ERC2: variants seen among roughly 807,000 people sequenced by gnomAD.
ERC2 encodes ELKS/RAB6-interacting/CAST family member 2, also known as ERC protein 2.
In ERC2, 42 loss-of-function variants were observed where a neutral mutation model predicts 114.8. The ratio of observed to expected loss-of-function variants is 0.37; its 90% CI spans 0.29 to 0.47. The LOEUF (loss-of-function observed/expected upper bound fraction) is 0.47. Among genes scored for constraint, ERC2 ranks in the 20% least tolerant of loss-of-function variants. The pLI is 0.99. For synonymous variants in ERC2, 454 were observed against 425.5 expected (o/e 1.07, Z -0.82); for missense variants, 939 against 1,150.7 (o/e 0.82, Z 2.66).
chr3:56,120,334 T>C (rs553803875), intron 6 of ERC2, among the ~76,000 whole-genome samples: 1 of 152,282 alleles, frequency 6.6e-6, no homozygotes, highest in Admixed American at 6.5e-5. Flanking sequence ...CACATTGATA[T>C]AAAAACCCAT....
In ERC2 at chr3:55,788,644, C is replaced by T. The variant is rs549571411; in HGVS notation, c.2565-53726G>A. Among the ~76,000 whole-genome samples the T allele has an allele frequency of 1.3e-3, 198 of 152,144 alleles. 2 individuals carry two copies. The highest frequency in any genetic ancestry group is 2.5e-3 in the Non-Finnish European group (172 of 68,032). On this transcript the variant is annotated intron_variant, in intron 14 of 17. Coordinates refer to ENST00000288221, the MANE Select transcript of ERC2 (RefSeq NM_015576.3). Reference sequence around the variant, plus strand: ...ATTCTGCAGCTGGTTGGTCAGCTGACGGTCTTTGAACACACCCTACCTCTC... The same window carrying T: ...ATTCTGCAGCTGGTTGGTCAGCTGATGGTCTTTGAACACACCCTACCTCTC...
At chr3:55,516,184 G>GCAGAA (rs1444357356) in intron 17 of ERC2, among the ~76,000 whole-genome samples, 2 of 151,690 alleles carry the variant, frequency 1.3e-5, no homozygotes, top group Admixed American at 6.6e-5. Flanking sequence ...CGGGCATCCT[G>GCAGAA]CAGAACAGCT....
At chr3:55,710,950 T>G (rs529589335) in intron 15 of ERC2, among the ~76,000 whole-genome samples, 53 of 152,310 alleles carry the variant, frequency 3.5e-4, no homozygotes, top group African/African-American at 1.2e-3. Flanking sequence ...CCCAGAATAC[T>G]TGACAGCTGG....
chr3:55,806,614 G>A (rs752022311), intron 14 of ERC2, among the ~76,000 whole-genome samples: 3 of 152,112 alleles, frequency 2.0e-5, no homozygotes, highest in Non-Finnish European at 2.9e-5. Context: ...ACTAGGGAGG[G>A]GTGCTACTGG....
intron 14 of ERC2, among the ~76,000 whole-genome samples, chr3:55,870,783 T>G (rs2062547482): frequency 6.6e-6 from 1 of 152,208 alleles, no homozygotes; most frequent in South Asian, 2.1e-4. Context: ...TGACGACATT[T>G]AATTGTCACC....
At chr3:55,602,325 C>T (rs1381431060) in intron 17 of ERC2, among the ~76,000 whole-genome samples, 1 of 152,158 alleles carries the variant, frequency 6.6e-6, no homozygotes, top group Non-Finnish European at 1.5e-5. Context: ...CAACCCTTCC[C>T]TAAAAGCCAT....
At chr3:56,445,278 C>T (rs1298151993) in intron 1 of ERC2, among the ~76,000 whole-genome samples, 1 of 152,194 alleles carries the variant, frequency 6.6e-6, no homozygotes, top group African/African-American at 2.4e-5. Context: ...TAGGTATTTA[C>T]ATTTTTTACC....
At chr3:56,020,786 T>A (rs1240466669) in intron 7 of ERC2, among the ~76,000 whole-genome samples, 2 of 152,142 alleles carry the variant, frequency 1.3e-5, no homozygotes, top group East Asian at 3.9e-4. Flanking sequence ...GACATCAGCC[T>A]TGGGGCAGTA....
intron 14 of ERC2, among the ~76,000 whole-genome samples, chr3:55,866,122 T>C (rs1260858821): frequency 6.6e-6 from 1 of 152,088 alleles, no homozygotes; most frequent in Non-Finnish European, 1.5e-5. Context: ...CACTTGTAAT[T>C]GCCTGTCTTT....
chr3:55,988,061 G>T (rs1452341645), intron 11 of ERC2, among the ~76,000 whole-genome samples: 1 of 152,160 alleles, frequency 6.6e-6, no homozygotes, highest in Non-Finnish European at 1.5e-5. Context: ...GGTCTTACTT[G>T]ACAGATTCTA....
At chr3:55,962,305 C>T (rs1208486423) in intron 12 of ERC2, among the ~76,000 whole-genome samples, 2 of 152,172 alleles carry the variant, frequency 1.3e-5, no homozygotes, top group African/African-American at 4.8e-5. Context: ...CTGTAAGTGG[C>T]CAGATAGTAA....
At chr3:56,300,487 C>T (rs894698383) in intron 2 of ERC2, among the ~76,000 whole-genome samples, 4 of 152,006 alleles carry the variant, frequency 2.6e-5, no homozygotes, top group Non-Finnish European at 5.9e-5. Context: ...TAAACTATGT[C>T]TTATTTGAAG....
At chr3:56,364,153 A>G (rs903184025) in intron 2 of ERC2, among the ~76,000 whole-genome samples, 1 of 152,194 alleles carries the variant, frequency 6.6e-6, no homozygotes, top group African/African-American at 2.4e-5. Flanking sequence ...GGCAAATAGT[A>G]TATGCTTCCA....
At chr3:55,628,526 C>A (rs547303881) in intron 17 of ERC2, among the ~76,000 whole-genome samples, 1 of 152,292 alleles carries the variant, frequency 6.6e-6, no homozygotes, top group South Asian at 2.1e-4. Flanking sequence ...TTGCCTTAAA[C>A]ATTTTTCCTT....
chr3:56,149,190 C>A, intron 4 of ERC2, 58 bp from the exon 5 acceptor site: 1 of 1,465,342 alleles, frequency 6.8e-7, no homozygotes, highest in South Asian at 1.3e-5. Flanking sequence ...TTTTTAAGAT[C>A]ATCAAAACAG....
intron 3 of ERC2, among the ~76,000 whole-genome samples, chr3:56,183,311 T>A (rs1387454649): frequency 6.6e-6 from 1 of 152,166 alleles, no homozygotes; most frequent in Non-Finnish European, 1.5e-5. Context: ...ATCTTTAAAT[T>A]TACCCTCTAG....
rs578031251 is a variant in ERC2, at chr3:56,296,298, C to G, written c.795G>C (p.Arg265=). The change falls in exon 3 of 18, where the codon CGG becomes CGC. Residue 265 remains arginine (R), a synonymous_variant. Coordinates refer to ENST00000288221, the MANE Select transcript of ERC2 (RefSeq NM_015576.3). ...CCTGCCTGTCATGCTCGGCTTGGAGCCGCCTAAAGTTCTCCTCGGTCAGCT... is the reference window on the plus strand; with the variant it reads ...CCTGCCTGTCATGCTCGGCTTGGAGGCGCCTAAAGTTCTCCTCGGTCAGCT... The part of the protein sequence containing the change: ...TIELTEENFR[R]LQAEHDRQAK... The G allele has an allele frequency of 2.5e-6, 4 of 1,614,032 alleles. No individual in the cohort carries two copies. In the South Asian group the frequency reaches 3.3e-5, roughly 13 times the overall value.
intron 2 of ERC2, among the ~76,000 whole-genome samples, chr3:56,428,914 C>T (rs1293589949): frequency 3.9e-5 from 6 of 152,146 alleles, no homozygotes; most frequent in Non-Finnish European, 8.8e-5. Flanking sequence ...GTACAATCTC[C>T]GAGTGTGTGG....
intron 12 of ERC2, among the ~76,000 whole-genome samples, chr3:55,985,559 T>G (rs2070546171): frequency 6.6e-6 from 1 of 152,230 alleles, no homozygotes; most frequent in Non-Finnish European, 1.5e-5. Flanking sequence ...CACTGTTAAA[T>G]TTAGCTTTTA....
Sources: gnomAD v4.1 joint callset for allele counts (sites outside exome capture counted in the v4.1 genomes callset) on GRCh38, gnomAD v4.1.1 for gene constraint, MANE v1.5 for transcripts, NCBI Gene and HGNC (gene_info 2026-07-23, HGNC 2026-07-21) for gene names.